SDK1: variants seen among roughly 807,000 people sequenced by gnomAD.
The protein encoded by SDK1 is protein sidekick-1.
Under a neutral mutation model 245.5 loss-of-function variants are expected in SDK1, and 157 were observed. That is an observed-to-expected ratio of 0.64 (90% confidence interval 0.56 to 0.73). SDK1 has a LOEUF of 0.73. Among genes scored for constraint, SDK1 ranks in the 30% least tolerant of loss-of-function variants. The pLI is 0.00. For missense variants in SDK1, 3,583 were observed against 3,002.3 expected, an observed-to-expected ratio of 1.19 and a Z score of -4.52; for synonymous variants, 1,647 against 1,278.5, an observed-to-expected ratio of 1.29 and a Z score of -6.15.
intron 1 of SDK1, among the ~76,000 whole-genome samples, chr7:3,334,420 C>T (rs1447368523): frequency 6.6e-6 from 1 of 152,114 alleles, no homozygotes; most frequent in African/African-American, 2.4e-5. Flanking sequence ...TCCTGTTCTT[C>T]CCTGCCGTCC....
chr7:3,975,799 G>T (rs994802658), intron 13 of SDK1, among the ~76,000 whole-genome samples: 4 of 152,240 alleles, frequency 2.6e-5, no homozygotes, highest in African/African-American at 4.8e-5. Context: ...TTAGATAGCA[G>T]AGGTAATTGT....
intron 1 of SDK1, among the ~76,000 whole-genome samples, chr7:3,370,151 A>G (rs1365384333): frequency 6.6e-6 from 1 of 152,224 alleles, no homozygotes; most frequent in Non-Finnish European, 1.5e-5. Flanking sequence ...TTGAGAGAGT[A>G]TGGTTTTGAC....
intron 1 of SDK1, among the ~76,000 whole-genome samples, chr7:3,611,294 G>A (rs566670232): frequency 2.0e-5 from 3 of 152,268 alleles, no homozygotes; most frequent in South Asian, 4.2e-4. Flanking sequence ...CTTTTCACTG[G>A]AGGGAGAATT....
At position 4,149,321 on chromosome 7, in the gene SDK1, C is replaced by T; in HGVS notation, c.4483C>T (p.Leu1495Phe). Residue 1495 changes from leucine to phenylalanine, a missense_variant, in exon 30 of 45, where the codon CTC becomes TTC. Coordinates refer to ENST00000404826, the MANE Select transcript of SDK1 (RefSeq NM_152744.4). ...VPQAEVTARSLRLQWVPGSDG... is the reference protein window; with the variant it reads ...VPQAEVTARSFRLQWVPGSDG... ...CCAGGCAGAAGTGACCGCACGCAGCCTCCGGCTCCAGTGGGTCCCGGGCAG... is the reference window on the plus strand; with the variant it reads ...CCAGGCAGAAGTGACCGCACGCAGCTTCCGGCTCCAGTGGGTCCCGGGCAG... 6.3e-7 allele frequency: 1 copy of T among 1,591,612 alleles called. No individual in the cohort carries two copies. The highest frequency in any genetic ancestry group is 8.6e-7 in the Non-Finnish European group (1 of 1,169,214).
At chr7:3,666,961 A>G (rs1196746603) in intron 4 of SDK1, among the ~76,000 whole-genome samples, 4 of 151,648 alleles carry the variant, frequency 2.6e-5, no homozygotes, top group African/African-American at 7.3e-5. Context: ...TGAGTTTTTT[A>G]TTTACTTTTT....
chr7:3,771,512 G>C (rs985489769), intron 4 of SDK1, among the ~76,000 whole-genome samples: 2 of 152,110 alleles, frequency 1.3e-5, no homozygotes, highest in African/African-American at 4.8e-5. Flanking sequence ...ATCTCTTGGG[G>C]TTCTGAATAC....
At chr7:3,581,946 A>G (rs752641002) in intron 1 of SDK1, among the ~76,000 whole-genome samples, 3 of 152,228 alleles carry the variant, frequency 2.0e-5, no homozygotes, top group Non-Finnish European at 4.4e-5. Context: ...AAATGATGAG[A>G]ACACATGGCC....
rs145912819 is a variant in SDK1, at chr7:4,107,774, G to A, written c.3325-2889G>A. ...CTGAGACATTGCCCAGGCAGCCGGG[G>A]GCCTCCCACGGAAGCCTGAGCAGCT... is the stretch of plus-strand genomic sequence containing the variant. On this transcript the variant is annotated intron_variant, in intron 22 of 44. Transcript: ENST00000404826. Among the ~76,000 whole-genome samples the A allele has an allele frequency of 4.7e-4, 72 of 152,294 alleles. No individual in the cohort carries two copies. In the East Asian group the frequency reaches 0.011, roughly 24 times the overall value.
At chr7:3,506,496 C>T (rs1435144052) in intron 1 of SDK1, among the ~76,000 whole-genome samples, 1 of 152,096 alleles carries the variant, frequency 6.6e-6, no homozygotes, top group African/African-American at 2.4e-5. Context: ...ATATAATTTG[C>T]CAAATTTTTA....
chr7:4,223,455 G>C (rs568174795), intron 40 of SDK1, among the ~76,000 whole-genome samples: 2 of 152,368 alleles, frequency 1.3e-5, no homozygotes, highest in Admixed American at 1.3e-4. Flanking sequence ...CTGAGGCTGT[G>C]AGGGAGGATC....
chr7:3,861,471 A>G (rs925937943), intron 5 of SDK1, among the ~76,000 whole-genome samples: 6 of 152,130 alleles, frequency 3.9e-5, no homozygotes, highest in African/African-American at 1.4e-4. Flanking sequence ...GTGTGCTTCA[A>G]ACTGAACAGT....
At chr7:3,682,807 C>G (rs532332420) in intron 4 of SDK1, among the ~76,000 whole-genome samples, 1 of 152,010 alleles carries the variant, frequency 6.6e-6, no homozygotes, top group East Asian at 1.9e-4. Context: ...GGCGCAATCT[C>G]AGCTCACTGC....
Position 4,233,219 on chromosome 7 carries a change from C to T in SDK1, c.5828-36C>T, listed in dbSNP as rs374780395. On this transcript the variant is annotated intron_variant, in intron 40 of 44. Transcript: ENST00000404826. ...GGCTCGCATCTGGGACTTCGCACTTCTAACCTCTGCTCTCGCCTCCCCATC... is the reference window on the plus strand; with the variant it reads ...GGCTCGCATCTGGGACTTCGCACTTTTAACCTCTGCTCTCGCCTCCCCATC... The T allele has an allele frequency of 5.0e-6, 8 of 1,598,098 alleles. No individual in the cohort carries two copies. In the African/African-American group the frequency reaches 8.0e-5, roughly 16 times the overall value.
chr7:3,564,201 A>G, intron 1 of SDK1, among the ~76,000 whole-genome samples: 1 of 152,180 alleles, frequency 6.6e-6, no homozygotes, highest in Admixed American at 6.5e-5. Context: ...AATAAAGGTA[A>G]GTACAGAAAG....
chr7:4,143,726 A>G (rs1301603560), intron 28 of SDK1, among the ~76,000 whole-genome samples: 11 of 152,254 alleles, frequency 7.2e-5, no homozygotes, highest in East Asian at 1.9e-4. Flanking sequence ...TTGCTCACAG[A>G]TCGGCATGGG....
At chr7:3,918,289 G>A (rs908913810) in intron 5 of SDK1, among the ~76,000 whole-genome samples, 9 of 152,310 alleles carry the variant, frequency 5.9e-5, no homozygotes, top group Non-Finnish European at 1.2e-4. Flanking sequence ...GGGGAGCAGC[G>A]AGTGAGCAAG....
At chr7:3,372,902 C>T (rs1211580236) in intron 1 of SDK1, among the ~76,000 whole-genome samples, 2 of 152,044 alleles carry the variant, frequency 1.3e-5, no homozygotes, top group African/African-American at 4.8e-5. Flanking sequence ...TCTTATATTC[C>T]CAATTTTAAA....
rs755132640 is a variant in SDK1 at position 4,149,324 on chromosome 7, C to T, written c.4486C>T (p.Arg1496Trp). The T allele has an allele frequency of 6.8e-5, 108 of 1,591,490 alleles. No homozygotes were observed. The highest frequency in any genetic ancestry group is 8.4e-5 in the Non-Finnish European group (98 of 1,169,368). ...GGCAGAAGTGACCGCACGCAGCCTC[C>T]GGCTCCAGTGGGTCCCGGGCAGCGA... is the stretch of plus-strand genomic sequence containing the variant. ...PQAEVTARSL[R>W]LQWVPGSDGA... The change falls in exon 30 of 45, where the codon CGG (arginine) becomes TGG (tryptophan). Residue 1496 changes from arginine (R) to tryptophan (W), a missense_variant. Physicochemically the swap from Arg to Trp is moderately radical, Grantham distance 101 (BLOSUM62 -3). Transcript: ENST00000404826.
intron 20 of SDK1, among the ~76,000 whole-genome samples, chr7:4,074,131 G>A (rs1780462990): frequency 6.6e-6 from 1 of 152,150 alleles, no homozygotes; most frequent in East Asian, 1.9e-4. Context: ...TACGACCTAA[G>A]TAGCTGGGCA....
Sources: gnomAD v4.1 joint callset for allele counts (sites outside exome capture counted in the v4.1 genomes callset) on GRCh38, gnomAD v4.1.1 for gene constraint, MANE v1.5 for transcripts, NCBI Gene and HGNC (gene_info 2026-07-23, HGNC 2026-07-21) for gene names.